Variants in LMTK2 observed in about 807,000 individuals in gnomAD.
The protein encoded by LMTK2 is lemur tail kinase 2.
In LMTK2, 37 loss-of-function variants were observed where a neutral mutation model predicts 127.5. The ratio of observed to expected loss-of-function variants is 0.29; its 90% CI spans 0.22 to 0.38. The LOEUF (loss-of-function observed/expected upper bound fraction) is 0.38, where lower values mean the gene tolerates loss of function less well. Ranked by LOEUF, LMTK2 falls within the 10% of genes least tolerant of loss-of-function variation. LMTK2 has a pLI of 1.00. For synonymous variants in LMTK2, 819 were observed against 810.1 expected (o/e 1.01, Z -0.19); for missense variants, 1,694 against 1,920.3 (o/e 0.88, Z 2.20).
At chr7:98,188,615 GAT>G (rs1797474987) in intron 9 of LMTK2, among the ~76,000 whole-genome samples, 1 of 152,132 alleles carries the variant, frequency 6.6e-6, no homozygotes, top group South Asian at 2.1e-4. Context: ...ATTTCCGAAG[GAT>G]ATCTTTGCAG....
At chr7:98,122,681 T>G (rs981060343) in intron 1 of LMTK2, among the ~76,000 whole-genome samples, 2 of 5,482 alleles carry the variant, frequency 3.6e-4, no homozygotes, top group Admixed American at 2.1e-3. Flanking sequence ...CTACATGGTG[T>G]GTGTGTGTGT....
rs571454479 is a variant in LMTK2 at position 98,131,737 on chromosome 7, C to T, written c.104-5578C>T. ...ATTATTCTTAGCTTTCAGGCCATAC[C>T]AAAACAAAAACTGTGGGCAGGATTT... On this transcript the variant is annotated intron_variant, in intron 1 of 13. Coordinates refer to ENST00000297293, the MANE Select transcript of LMTK2 (RefSeq NM_014916.4). Among the ~76,000 whole-genome samples the T allele has an allele frequency of 7.9e-5, 12 of 152,190 alleles. No individual in the cohort carries two copies. In the South Asian group the frequency reaches 2.5e-3, roughly 32 times the overall value.
chr7:98,200,771 A>G (rs2116479733), intron 11 of LMTK2, among the ~76,000 whole-genome samples: 1 of 152,308 alleles, frequency 6.6e-6, no homozygotes, highest in South Asian at 2.1e-4. Flanking sequence ...AATGCCTCAT[A>G]CACTGTAAAT....
Position 98,204,052 on chromosome 7 carries a change from C to T in LMTK2, c.4349C>T (p.Ser1450Phe). ...TCTCTCCAAACATCCAAGTACTTTT[C>T]TCCGCCGCCACCGGCCCGGAGCACG... ...KPSLQTSKYF[S>F]PPPPARSTEQ... The change falls in exon 13 of 14, where the codon TCT (serine) becomes TTT (phenylalanine). Residue 1450 changes from serine (S) to phenylalanine (F), a missense_variant. Ser to Phe is a radical substitution (Grantham distance 155, BLOSUM62 -2). This residue lies in a region of LMTK2 where 554 missense variants were observed against 567.7 expected (regional missense o/e 0.98). Coordinates refer to ENST00000297293, the MANE Select transcript of LMTK2 (RefSeq NM_014916.4). 6.2e-7 allele frequency: 1 copy of T among 1,614,078 alleles called. No homozygotes were observed. The highest frequency in any genetic ancestry group is 8.5e-7 in the Non-Finnish European group (1 of 1,180,040).
chr7:98,204,352 T>C (rs993149077), intron 13 of LMTK2, among the ~76,000 whole-genome samples, 166 bp downstream of exon 13: 2 of 152,120 alleles, frequency 1.3e-5, no homozygotes, highest in Non-Finnish European at 2.9e-5. Context: ...CTGGGTGCAG[T>C]GACTCCTGCC....
rs556798239 is a variant in LMTK2 at position 98,209,316 on chromosome 7, G to A, written c.*3824G>A. The stretch of plus-strand genomic sequence containing the variant: ...AGATCAGTTTGACCGGTGTGGACAC[G>A]TGCTGGTTAAGCACTCAGGCCTACG... On this transcript the variant is annotated 3_prime_UTR_variant, in exon 14 of 14. Transcript: ENST00000297293. The A allele has an allele frequency of 1.1e-4, 16 of 152,314 alleles. No individual in the cohort carries two copies. Among genetic ancestry groups the A allele is most frequent in the Non-Finnish European group, 1.5e-4 (10 of 68,038 alleles). 9.4% of individuals were successfully genotyped at this position (152,314 alleles called of 1,614,324 possible).
chr7:98,178,878 T>C (rs980108855), intron 7 of LMTK2, among the ~76,000 whole-genome samples: 2 of 152,238 alleles, frequency 1.3e-5, no homozygotes, highest in Admixed American at 1.3e-4. Flanking sequence ...GTGAGGAAAC[T>C]GAGGCTCCTC....
intron 1 of LMTK2, among the ~76,000 whole-genome samples, chr7:98,122,557 C>T (rs1356918835): frequency 6.6e-6 from 1 of 152,154 alleles, no homozygotes; most frequent in East Asian, 1.9e-4. Context: ...ACCCATGCCT[C>T]TCATCCCACC....
chr7:98,122,885 G>A (rs529877004), intron 1 of LMTK2, among the ~76,000 whole-genome samples: 10 of 151,832 alleles, frequency 6.6e-5, no homozygotes, highest in South Asian at 2.1e-4. Context: ...TGTTGCCTCC[G>A]AAACATCCTT....
intron 4 of LMTK2, among the ~76,000 whole-genome samples, chr7:98,153,402 C>A (rs553438685): frequency 7.9e-4 from 120 of 152,184 alleles, no homozygotes; most frequent in African/African-American, 2.6e-3. Context: ...CTGCAGCTTA[C>A]AAATGGAGTA....
intron 7 of LMTK2, among the ~76,000 whole-genome samples, chr7:98,182,616 C>T (rs1797371112): frequency 6.6e-6 from 1 of 152,084 alleles, no homozygotes; most frequent in Admixed American, 6.5e-5. Context: ...AAATTGGAAC[C>T]CTTGTGCTCT....
Position 98,193,203 on chromosome 7 carries a change from G to A in LMTK2, c.2738G>A (p.Ser913Asn). Residue 913 changes from serine to asparagine, a missense_variant, in exon 11 of 14, where the codon AGT (serine) becomes AAT (asparagine). Ser to Asn is a conservative substitution (Grantham distance 46, BLOSUM62 1). This residue lies in a region of LMTK2 where 527 missense variants were observed against 539.8 expected (regional missense o/e 0.98). Transcript: ENST00000297293. The surrounding 1 kb of genome is among the most constrained non-coding windows in gnomAD (Gnocchi z 4.1). ...LADDILASRVSVGSSLPELGQ... is the reference protein window; with the variant it reads ...LADDILASRVNVGSSLPELGQ... ...GATGACATCCTTGCCAGCAGGGTGAGTGTAGGGAGTAGTCTCCCGGAACTG... is the reference window on the plus strand; with the variant it reads ...GATGACATCCTTGCCAGCAGGGTGAATGTAGGGAGTAGTCTCCCGGAACTG... 6.2e-7 allele frequency: 1 copy of A among 1,613,762 alleles called. No individual in the cohort carries two copies. Among genetic ancestry groups the A allele is most frequent in the Admixed American group, 1.7e-5 (1 of 60,026 alleles).
At chr7:98,205,348 G>A in intron 13 of LMTK2, 116 bp from the exon 14 acceptor site, 1 of 1,268,282 alleles carries the variant, frequency 7.9e-7, no homozygotes, top group Non-Finnish European at 1.1e-6. Context: ...AGGCGGTGCT[G>A]GGCTCAAAAC....
chr7:98,137,670 TG>T (rs1333207609), intron 2 of LMTK2, among the ~76,000 whole-genome samples: 1 of 152,254 alleles, frequency 6.6e-6, no homozygotes, highest in African/African-American at 2.4e-5. Context: ...CAAATGGTCA[TG>T]GCTTTGTGCC....
intron 1 of LMTK2, among the ~76,000 whole-genome samples, chr7:98,108,055 G>A (rs546736396): frequency 6.6e-6 from 1 of 152,008 alleles, no homozygotes; most frequent in Non-Finnish European, 1.5e-5. Context: ...AAAAAATCTA[G>A]GCTAACTTGG....
chr7:98,169,569 G>A (rs903546195), intron 6 of LMTK2, among the ~76,000 whole-genome samples: 5 of 152,182 alleles, frequency 3.3e-5, no homozygotes, highest in Non-Finnish European at 5.9e-5. Flanking sequence ...TGGTGGCGGA[G>A]GGGTTAGGCA....
At chr7:98,158,280 T>C (rs1796958505) in intron 5 of LMTK2, among the ~76,000 whole-genome samples, 1 of 152,172 alleles carries the variant, frequency 6.6e-6, no homozygotes, top group African/African-American at 2.4e-5. Context: ...TGTTTTGTTG[T>C]TGTCGTTGTT....
intron 7 of LMTK2, among the ~76,000 whole-genome samples, chr7:98,181,618 G>T (rs182758469): frequency 6.6e-6 from 1 of 152,070 alleles, no homozygotes; most frequent in Non-Finnish European, 1.5e-5. Context: ...AGAAGAGAGA[G>T]CCCAGAAATA....
At position 98,171,600 on chromosome 7, in the gene LMTK2, C is replaced by G; in HGVS notation, c.717C>G (p.Thr239=). Residue 239 remains threonine, a synonymous_variant, in exon 7 of 14, where the codon ACC becomes ACG. Transcript: ENST00000297293. This position sits in a 1 kb window ranked among gnomAD's most constrained non-coding sequence, Gnocchi z 5.1. ...EQEHMRGDSQ[T]MLLQRMACEV... ...AGCACATGCGGGGGGACTCACAGAC[C>G]ATGCTGCTGCAGAGGATGGCGTGCG... 1 of 1,613,030 alleles carries G rather than the reference C, an allele frequency of 6.2e-7. No homozygotes were observed. The highest frequency in any genetic ancestry group is 8.5e-7 in the Non-Finnish European group (1 of 1,179,764).
Sources: gnomAD v4.1 joint callset for allele counts (sites outside exome capture counted in the v4.1 genomes callset) on GRCh38, gnomAD v4.1.1 for gene constraint, gnomAD v4.1.1 regional missense constraint, Gnocchi (gnomAD v3.1) non-coding constraint, MANE v1.5 for transcripts, NCBI Gene and HGNC (gene_info 2026-07-23, HGNC 2026-07-21) for gene names.